Variants in MESD observed in about 807,000 individuals in gnomAD.
MESD encodes LRP chaperone MESD.
In MESD, 7 loss-of-function variants were observed where a neutral mutation model predicts 12.9. The observed-to-expected ratio is 0.54, with a 90% CI of 0.31 to 1.02. The LOEUF is 1.02. Ranked by LOEUF, MESD falls within the 50% of genes least tolerant of loss-of-function variation. The probability of loss-of-function intolerance (pLI) is 0.05; values close to 1 mark genes in which losing one functional copy is unlikely to be tolerated. For missense variants in MESD, 342 were observed against 296.7 expected, an observed-to-expected ratio of 1.15 and a Z score of -1.12; for synonymous variants, 126 against 115.6, an observed-to-expected ratio of 1.09 and a Z score of -0.58.
intron 3 of MESD, among the ~76,000 whole-genome samples, chr15:80,959,452 G>A (rs1321584271): frequency 6.6e-6 from 1 of 152,176 alleles, no homozygotes; most frequent in African/African-American, 2.4e-5. Context: ...GTGGCTGCCT[G>A]CTTAGCTGAA....
chr15:80,974,735 A>C (rs1404608702), downstream of MESD, among the ~76,000 whole-genome samples: 21 of 150,882 alleles, frequency 1.4e-4, no homozygotes, highest in Non-Finnish European at 4.4e-5. Flanking sequence ...TAGAAGGATT[A>C]AGAAAAAAGA....
chr15:80,963,208 C>G (rs906079202), intron 3 of MESD, among the ~76,000 whole-genome samples: 1 of 152,156 alleles, frequency 6.6e-6, no homozygotes, highest in Non-Finnish European at 1.5e-5. Flanking sequence ...CAGCTCTATG[C>G]AAATAAACTA....
chr15:80,985,040 A>T (rs1902692078), intron 1 of MESD, among the ~76,000 whole-genome samples: 1 of 152,248 alleles, frequency 6.6e-6, no homozygotes, highest in South Asian at 2.1e-4. Context: ...AATGAAAAGC[A>T]GAACGAAGTG....
At chr15:80,987,528 G>A (rs1045960523) in intron 1 of MESD, among the ~76,000 whole-genome samples, 1 of 149,134 alleles carries the variant, frequency 6.7e-6, no homozygotes, top group Non-Finnish European at 1.5e-5. Context: ...TCACCCTGTC[G>A]CCCAGGCTGG....
At chr15:80,954,520 G>C (rs1323654606) in intron 3 of MESD, among the ~76,000 whole-genome samples, 1 of 152,148 alleles carries the variant, frequency 6.6e-6, no homozygotes. Context: ...TTAATCCTGG[G>C]AGGATCAAGT....
At chr15:80,959,617 C>T (rs796288551) in intron 3 of MESD, among the ~76,000 whole-genome samples, 5 of 152,298 alleles carry the variant, frequency 3.3e-5, no homozygotes, top group African/African-American at 9.6e-5. Flanking sequence ...CCTGCCATAA[C>T]GGAGAACACT....
rs780712296 is a variant in MESD, at chr15:80,989,588, C to T, written c.204G>A (p.Glu68=). 8.8e-5 allele frequency: 142 copies of T among 1,613,240 alleles called. No homozygotes were observed. The highest frequency in any genetic ancestry group is 1.2e-4 in the Non-Finnish European group (136 of 1,179,620). ...YNDADMARLL[E]QWEKDDDIEE... ...TGCGCGCGCCGCGGACCTCCCATTG[C>T]TCCAGAAGACGCGCCATGTCTGCAT... The change falls in exon 1 of 3, where the codon GAG becomes GAA. Residue 68 remains glutamate, a synonymous_variant. Coordinates refer to ENST00000261758, the MANE Select transcript of MESD (RefSeq NM_015154.3).
In MESD at chr15:80,978,580, C is replaced by T. The variant is rs1902483146; in HGVS notation, c.*639G>A. 1 of 152,182 alleles carries T rather than the reference C, an allele frequency of 6.6e-6. No individual in the cohort carries two copies. The highest frequency in any genetic ancestry group is 2.1e-4 in the South Asian group (1 of 4,832). The allele number at this position is 152,182 out of a possible 1,614,324, so 9.4% of individuals were successfully genotyped here. A position where few individuals can be genotyped will look rare whatever the true frequency, so the allele number is the denominator to read the frequency against. On this transcript the variant is annotated 3_prime_UTR_variant, in exon 3 of 3. Coordinates refer to ENST00000261758, the MANE Select transcript of MESD (RefSeq NM_015154.3). ...AAACAGAACCCCTAACTTTACAGAC[C>T]ACATAAAACCTGACAGACACCAAGA... is the stretch of plus-strand genomic sequence containing the variant.
intron 3 of MESD, among the ~76,000 whole-genome samples, chr15:80,964,010 T>C (rs1567120715): frequency 6.6e-6 from 1 of 152,162 alleles, no homozygotes; most frequent in African/African-American, 2.4e-5. Context: ...AGAAAGGGTA[T>C]TCAATTAGGA....
At chr15:80,986,561 A>T (rs1902738405) in intron 1 of MESD, among the ~76,000 whole-genome samples, 1 of 152,228 alleles carries the variant, frequency 6.6e-6, no homozygotes, top group Admixed American at 6.5e-5. Flanking sequence ...ATTGAAGTGT[A>T]AAAATAGTAC....
intron 3 of MESD, among the ~76,000 whole-genome samples, chr15:80,960,520 T>C (rs1902067096): frequency 6.6e-6 from 1 of 152,204 alleles, no homozygotes; most frequent in Admixed American, 6.5e-5. Flanking sequence ...GCTGTTAAAA[T>C]GAAATTCTAC....
intron 3 of MESD, among the ~76,000 whole-genome samples, chr15:80,967,193 G>A (rs1040556577): frequency 9.2e-5 from 14 of 152,142 alleles, no homozygotes; most frequent in Non-Finnish European, 1.9e-4. Flanking sequence ...TTGGGAGGCT[G>A]AGGCAGGAGA....
At chr15:80,969,477 G>A (rs1902241398) in intron 3 of MESD, among the ~76,000 whole-genome samples, 1 of 152,046 alleles carries the variant, frequency 6.6e-6, no homozygotes, top group Non-Finnish European at 1.5e-5. Context: ...TCTGAGAAGA[G>A]GTCCAGAGAA....
At chr15:80,959,428 G>A (rs915419684) in intron 3 of MESD, among the ~76,000 whole-genome samples, 1 of 152,178 alleles carries the variant, frequency 6.6e-6, no homozygotes, top group South Asian at 2.1e-4. Flanking sequence ...TAGTTTGAAA[G>A]GGCCCTGTTC....
Position 80,978,132 on chromosome 15 carries a change from T to A in MESD, c.*1087A>T, listed in dbSNP as rs1157400581. ...AACAGCAGCTTCCACTGGGACAAGCTACCACCGGCGGCAAGAGAGGGATAC... is the reference window on the plus strand; with the variant it reads ...AACAGCAGCTTCCACTGGGACAAGCAACCACCGGCGGCAAGAGAGGGATAC... On this transcript the variant is annotated 3_prime_UTR_variant, in exon 3 of 3. Coordinates refer to ENST00000261758, the MANE Select transcript of MESD (RefSeq NM_015154.3). The A allele has an allele frequency of 6.6e-6, 1 of 152,068 alleles. No homozygotes were observed. Among genetic ancestry groups the A allele is most frequent in the Non-Finnish European group, 1.5e-5 (1 of 68,022 alleles). 9.4% of individuals were successfully genotyped at this position (152,068 alleles called of 1,614,324 possible).
At chr15:80,948,906 GA>G in intron 4 of MESD, 1 of 1,559,638 alleles carries the variant, frequency 6.4e-7, no homozygotes, top group Non-Finnish European at 8.8e-7. Flanking sequence ...TCCCTGTGGT[GA>G]AGAAGAAGAA....
intron 2 of MESD, 113 bp from the exon 3 acceptor site, chr15:80,979,590 T>C: frequency 7.6e-7 from 1 of 1,319,750 alleles, no homozygotes; most frequent in Non-Finnish European, 1.0e-6. Flanking sequence ...GAATATGGAA[T>C]GAAAAATTGG....
exon 5 of MESD, chr15:80,948,825 C>T: frequency 6.2e-7 from 1 of 1,614,222 alleles, no homozygotes; most frequent in Non-Finnish European, 8.5e-7. Context: ...GCTTCAAAGG[C>T]AGCTTCCGGC....
At position 80,961,248 on chromosome 15, in the gene MESD, G is replaced by C. The variant is rs535937176; in HGVS notation, c.*289-8952C>G. Among the ~76,000 whole-genome samples the C allele has an allele frequency of 1.6e-3, 236 of 150,864 alleles. 1 individual carries two copies. Among genetic ancestry groups the C allele is most frequent in the Non-Finnish European group, 2.4e-3 (162 of 67,856 alleles). ...GACTCTGCTGATATTTTATATGAGA[G>C]GCTCTTACAAAGCAGTAAGGAACAA... On this transcript the variant is annotated intron_variant, in intron 3 of 4. Coordinates refer to the MESD transcript ENST00000561312.
Sources: gnomAD v4.1 joint callset for allele counts (sites outside exome capture counted in the v4.1 genomes callset) on GRCh38, gnomAD v4.1.1 for gene constraint, MANE v1.5 for transcripts, NCBI Gene and HGNC (gene_info 2026-07-23, HGNC 2026-07-21) for gene names.